The following JAKMIP3 variants were observed in gnomAD, a reference collection of about 807,000 sequenced individuals.
JAKMIP3 encodes janus kinase and microtubule-interacting protein 3.
JAKMIP3 carries 58 observed loss-of-function variants against 118.5 expected under a neutral mutation model. That is an observed-to-expected ratio of 0.49 (90% CI 0.40 to 0.61). The LOEUF (loss-of-function observed/expected upper bound fraction) is 0.61. Ranked by LOEUF, JAKMIP3 falls within the 20% of genes least tolerant of loss-of-function variation. JAKMIP3 has a pLI of 0.00. For missense variants in JAKMIP3, 950 were observed against 1,109.0 expected, an observed-to-expected ratio of 0.86 and a Z score of 2.04; for synonymous variants, 486 against 451.2, an observed-to-expected ratio of 1.08 and a Z score of -0.98.
Position 132,180,546 on chromosome 10 carries a change from CGTGCGTGCATGCGT to C in JAKMIP3, c.*1104-1807_*1104-1794del, listed in dbSNP as rs375164682. On this transcript the variant is annotated intron_variant, in intron 23 of 23. Transcript: ENST00000684848. ...AACTGTGTGTGTGTGTGTGTGTGTG[CGTGCGTGCATGCGT>C]GTGTGTGCGTGTGTGTGTGCGTGCG... Among the ~76,000 whole-genome samples, 138 of 15,922 alleles carry C rather than the reference CGTGCGTGCATGCGT, an allele frequency of 8.7e-3. 22 individuals are homozygous for C. Among genetic ancestry groups the C allele is most frequent in the Middle Eastern group, 0.05 (2 of 40 alleles). The allele number at this position is 15,922 out of a possible 152,430, so 10.4% of individuals were successfully genotyped here.
chr10:132,071,244 C>T (rs999656886), intron 1 of JAKMIP3, among the ~76,000 whole-genome samples: 1 of 151,400 alleles, frequency 6.6e-6, no homozygotes, highest in Non-Finnish European at 1.5e-5. Flanking sequence ...ACGTATTTCT[C>T]GTTCAATTTC....
chr10:132,172,410 C>G (rs76710932), intron 23 of JAKMIP3, among the ~76,000 whole-genome samples: 1 of 151,900 alleles, frequency 6.6e-6, no homozygotes, highest in Non-Finnish European at 1.5e-5. Context: ...GGAGATTCGC[C>G]GAGACTGAAA....
At chr10:132,120,637 G>A (rs948521187) in intron 3 of JAKMIP3, among the ~76,000 whole-genome samples, 2 of 152,248 alleles carry the variant, frequency 1.3e-5, no homozygotes, top group African/African-American at 4.8e-5. Context: ...GGTGAGAGGT[G>A]CCCTGAGGGT....
intron 3 of JAKMIP3, among the ~76,000 whole-genome samples, chr10:132,120,991 C>A (rs12250010): frequency 6.6e-6 from 1 of 152,158 alleles, no homozygotes; most frequent in Non-Finnish European, 1.5e-5. Context: ...GAGGCAGCTT[C>A]ATGAGGATGG....
At chr10:132,076,843 C>T (rs2040878403) in intron 1 of JAKMIP3, among the ~76,000 whole-genome samples, 1 of 151,634 alleles carries the variant, frequency 6.6e-6, no homozygotes, top group African/African-American at 2.4e-5. Flanking sequence ...TGCAGTGGCC[C>T]CGGATCTTAC....
intron 1 of JAKMIP3, among the ~76,000 whole-genome samples, chr10:132,081,566 G>T (rs749356629): frequency 1.3e-5 from 2 of 152,142 alleles, no homozygotes; most frequent in Non-Finnish European, 2.9e-5. Flanking sequence ...CCCAGTGCCC[G>T]CATCTTTACT....
intron 1 of JAKMIP3, among the ~76,000 whole-genome samples, chr10:132,058,422 G>A (rs76248698): frequency 0.069 from 10,495 of 152,250 alleles, 371 homozygotes; most frequent in African/African-American, 0.08. Flanking sequence ...AAGAGGTAGC[G>A]AGGCTTTTGC....
rs1440778483 is a variant in JAKMIP3, at chr10:132,180,612, TGTGC to T, written c.*1104-1741_*1104-1738del. 4.7e-4 allele frequency among the ~76,000 whole-genome samples: 11 copies of T among 23,194 alleles called. 3 individuals carry two copies. Among genetic ancestry groups the T allele is most frequent in the South Asian group, 3.7e-3 (2 of 540 alleles). The allele number at this position is 23,194 out of a possible 152,430, so 15.2% of individuals were successfully genotyped here. A position where few individuals can be genotyped will look rare whatever the true frequency, so the allele number is the denominator to read the frequency against. ...GTGTGTGTGTGCGTGCGCGTGTGTG[TGTGC>T]GTGTGTGTGCGTGTGTGCGTGCGTG... On this transcript the variant is annotated intron_variant, in intron 23 of 23. Transcript: ENST00000684848.
chr10:132,093,022 T>G (rs2379224), intron 1 of JAKMIP3, among the ~76,000 whole-genome samples: 98,057 of 152,160 alleles, frequency 0.64, 33,007 homozygotes, highest in African/African-American at 0.82. Flanking sequence ...GTTGGAGTTT[T>G]CTGGAGGTCC....
intron 1 of JAKMIP3, among the ~76,000 whole-genome samples, chr10:132,077,395 T>C (rs1203963606): frequency 6.6e-6 from 1 of 152,112 alleles, no homozygotes; most frequent in African/African-American, 2.4e-5. Context: ...GAGAACTTGG[T>C]CCCAGCTCTT....
intron 19 of JAKMIP3, among the ~76,000 whole-genome samples, chr10:132,162,756 G>GTGTATTTTGGTTGCTGGGTTATTA (rs1564987966): frequency 4.0e-5 from 6 of 150,196 alleles, no homozygotes; most frequent in Non-Finnish European, 5.9e-5. Context: ...ATGAAAAGGT[G>GTGTATTTTGGTTGCTGGGTTATTA]TGTATTTTGG....
chr10:132,149,554 T>TCCCCCGCCCCAGCCCCTCTCCG, intron 15 of JAKMIP3, 44 bp downstream of exon 15: 2 of 530,844 alleles, frequency 3.8e-6, no homozygotes, highest in South Asian at 6.2e-5. Context: ...ACCTCACCCA[T>TCCCCCGCCCCAGCCCCTCTCCG]CCCCCGCCCC....
intron 1 of JAKMIP3, among the ~76,000 whole-genome samples, chr10:132,074,168 C>T (rs1356869236): frequency 6.6e-6 from 1 of 152,218 alleles, no homozygotes; most frequent in Non-Finnish European, 1.5e-5. Context: ...TCTGCTGCCT[C>T]AGACTCCTGA....
At chr10:132,123,736 G>C (rs1042069030) in intron 3 of JAKMIP3, among the ~76,000 whole-genome samples, 1 of 152,194 alleles carries the variant, frequency 6.6e-6, no homozygotes, top group Non-Finnish European at 1.5e-5. Flanking sequence ...TGCACCCCAA[G>C]CCTGGCTCCC....
In JAKMIP3 at chr10:132,117,181, CGAG is replaced by C; in HGVS notation, c.244_246del (p.Glu82del). ...TCACGGAGCTCAAGACAAAGCTGCA[CGAG>C]GAGAAGATGAAGGAGCTACAGGCTG... On this transcript the variant is annotated inframe_deletion, in exon 3 of 24. Transcript: ENST00000684848. The surrounding 1 kb of genome is among the most constrained non-coding windows in gnomAD (Gnocchi z 8.6). 1 of 1,613,884 alleles carries C rather than the reference CGAG, an allele frequency of 6.2e-7. No homozygotes were observed. The highest frequency in any genetic ancestry group is 8.5e-7 in the Non-Finnish European group (1 of 1,179,914).
At chr10:132,099,726 T>C (rs572494964) in intron 1 of JAKMIP3, among the ~76,000 whole-genome samples, 55 of 152,340 alleles carry the variant, frequency 3.6e-4, no homozygotes, top group African/African-American at 1.3e-3. Context: ...ATGAATCAAC[T>C]CATGGGTACA....
At chr10:132,144,818 A>G (rs1401689843) in intron 11 of JAKMIP3, 2 of 323,228 alleles carry the variant, frequency 6.2e-6, no homozygotes, top group Non-Finnish European at 1.2e-5. Context: ...GGTCCCAGTT[A>G]CTCAGGATGG....
intron 3 of JAKMIP3, among the ~76,000 whole-genome samples, chr10:132,120,436 C>A (rs952451855): frequency 6.6e-6 from 1 of 152,242 alleles, no homozygotes; most frequent in Non-Finnish European, 1.5e-5. Context: ...TTCCTCCACC[C>A]CTGACCACAG....
intron 12 of JAKMIP3, 119 bp downstream of exon 12, chr10:132,145,309 G>C (rs2136031916): frequency 1.0e-6 from 1 of 970,810 alleles, no homozygotes; most frequent in South Asian, 1.6e-5. Context: ...GACCTCCTGG[G>C]CTCAAGCCAT....
Sources: allele counts gnomAD v4.1 joint callset (sites outside exome capture counted in the v4.1 genomes callset), GRCh38; gene constraint gnomAD v4.1.1; non-coding constraint Gnocchi (gnomAD v3.1); transcripts MANE v1.5; gene names NCBI Gene and HGNC (gene_info 2026-07-23, HGNC 2026-07-21).